MCAT: variants seen among roughly 807,000 people sequenced by gnomAD.
MCAT encodes the protein malonyl-CoA-acyl carrier protein transacylase, mitochondrial.
In MCAT, 22 loss-of-function variants were observed where a neutral mutation model predicts 22.9. The ratio of observed to expected loss-of-function variants is 0.96; its 90% CI spans 0.69 to 1.37. The LOEUF (loss-of-function observed/expected upper bound fraction) is 1.37. MCAT is among the 40% of genes most tolerant of loss of function. The pLI is 0.00. For missense variants in MCAT, 534 were observed against 533.6 expected, an observed-to-expected ratio of 1.00 and a Z score of -0.01; for synonymous variants, 240 against 233.9, an observed-to-expected ratio of 1.03 and a Z score of -0.24.
At position 43,143,008 on chromosome 22, in the gene MCAT, A is replaced by C; in HGVS notation, c.341T>G (p.Leu114Arg). Residue 114 changes from leucine (L) to arginine (R), a missense_variant, in exon 1 of 4, where the codon CTG becomes CGG. Physicochemically the swap from Leu to Arg is moderately radical, Grantham distance 102. Coordinates refer to ENST00000290429, the MANE Select transcript of MCAT (RefSeq NM_173467.5). The stretch of plus-strand genomic sequence containing the variant: ...GGGCTGACAGTGCACGGTGCGGTCC[A>C]GGGTCTCCTGCGGCCCGTGCAGGCT... ...ELSLHGPQET[L>R]DRTVHCQPAI... 6.2e-7 allele frequency: 1 copy of C among 1,608,816 alleles called. No homozygotes were observed. Among genetic ancestry groups the C allele is most frequent in the Non-Finnish European group, 8.5e-7 (1 of 1,178,304 alleles).
chr22:43,138,905 A>G (rs1433005289), intron 2 of MCAT, among the ~76,000 whole-genome samples: 5 of 152,220 alleles, frequency 3.3e-5, no homozygotes. Context: ...AAATCCTGAC[A>G]TATCTTCATT....
intron 3 of MCAT, among the ~76,000 whole-genome samples, chr22:43,135,495 C>A (rs192060852): frequency 9.8e-6 from 1 of 102,120 alleles, no homozygotes; most frequent in East Asian, 3.2e-4. Context: ...CAGAGTAAGA[C>A]ATTGTCTCAA....
rs993576515 is a variant in MCAT, at chr22:43,141,185, G to C, written c.488C>G (p.Ala163Gly). 2 of 1,613,926 alleles carry C rather than the reference G, an allele frequency of 1.2e-6. No homozygotes were observed. The highest frequency in any genetic ancestry group is 1.7e-6 in the Non-Finnish European group (2 of 1,180,006). The part of the protein sequence containing the change: ...SVGEFAALVF[A>G]GAMEFAEGLY... ...ACCTTCAGCAAATTCCATGGCTCCG[G>C]CAAACACTAGGGCTGCAAACTCTCC... Residue 163 changes from alanine to glycine, a missense_variant, in exon 2 of 4, where the codon GCC (alanine) becomes GGC (glycine). Transcript: ENST00000290429.
chr22:43,142,600 C>T (rs1225072794), intron 1 of MCAT, among the ~76,000 whole-genome samples: 1 of 151,676 alleles, frequency 6.6e-6, no homozygotes, highest in Non-Finnish European at 1.5e-5. Context: ...TCCTGACTAA[C>T]ACGATGAAAC....
rs1930814050 is a variant in MCAT at position 43,142,852 on chromosome 22, G to A, written c.423+74C>T. On this transcript the variant is annotated intron_variant, in intron 1 of 3. Coordinates refer to ENST00000290429, the MANE Select transcript of MCAT (RefSeq NM_173467.5). ...CGTGGGAGCCCCCGGAATGGCAGGCGGAAGCCTCTGGCAGGGCCAAGAGCT... is the reference window on the plus strand; with the variant it reads ...CGTGGGAGCCCCCGGAATGGCAGGCAGAAGCCTCTGGCAGGGCCAAGAGCT... 5.8e-6 allele frequency: 8 copies of A among 1,372,516 alleles called. No homozygotes were observed. In the South Asian group the frequency reaches 1.3e-4, roughly 22 times the overall value. The allele number at this position is 1,372,516 out of a possible 1,614,324, so 85.0% of individuals were successfully genotyped here.
intron 1 of MCAT, among the ~76,000 whole-genome samples, chr22:43,141,784 C>T (rs757745129): frequency 6.6e-6 from 1 of 152,162 alleles, no homozygotes; most frequent in African/African-American, 2.4e-5. Flanking sequence ...GTTGGCCAGG[C>T]TGGTTTTGAA....
chr22:43,137,002 G>T, intron 3 of MCAT, 79 bp downstream of exon 3: 1 of 1,253,054 alleles, frequency 8.0e-7, no homozygotes, highest in Non-Finnish European at 1.2e-6. Flanking sequence ...CCGCCAGACT[G>T]CTAGGCCTCA....
chr22:43,135,503 C>CAAAAAAAA (rs1270132344), intron 3 of MCAT, among the ~76,000 whole-genome samples: 2 of 33,124 alleles, frequency 6.0e-5, no homozygotes, highest in Non-Finnish European at 1.4e-4. Context: ...GACATTGTCT[C>CAAAAAAAA]AAAAAACAAA....
At chr22:43,142,423 G>C (rs1246259755) in intron 1 of MCAT, among the ~76,000 whole-genome samples, 1 of 151,492 alleles carries the variant, frequency 6.6e-6, no homozygotes, top group Non-Finnish European at 1.5e-5. Flanking sequence ...GGAGGCAGAG[G>C]TTGCAGTGAG....
intron 2 of MCAT, among the ~76,000 whole-genome samples, chr22:43,140,491 G>A (rs1331194189): frequency 6.6e-6 from 1 of 152,178 alleles, no homozygotes; most frequent in African/African-American, 2.4e-5. Context: ...TGGGACTACA[G>A]GCGCACACCA....
chr22:43,137,463 C>G (rs1256745750), intron 2 of MCAT, among the ~76,000 whole-genome samples, 165 bp from the exon 3 acceptor site: 3 of 152,226 alleles, frequency 2.0e-5, no homozygotes, highest in Non-Finnish European at 4.4e-5. Flanking sequence ...ATCGACTGCA[C>G]AAGCGCTCAC....
Position 43,133,167 on chromosome 22 carries a change from G to A in MCAT, c.1049C>T (p.Pro350Leu). 6.2e-7 allele frequency: 1 copy of A among 1,614,228 alleles called. No individual in the cohort carries two copies. Among genetic ancestry groups the A allele is most frequent in the Non-Finnish European group, 8.5e-7 (1 of 1,180,034 alleles). Residue 350 changes from proline (P) to leucine (L), a missense_variant, in exon 4 of 4, where the codon CCT becomes CTT. Physicochemically the swap from Pro to Leu is moderately conservative, Grantham distance 98. Coordinates refer to ENST00000290429, the MANE Select transcript of MCAT (RefSeq NM_173467.5). ...CAGGATGGCTCCCAGCTGCCTGCCA[G>A]GGCCTACTTCGAAAGTTTGGGGGAA... Reference protein sequence around the residue: ...RGFPQTFEVGPGRQLGAILKS... With the variant: ...RGFPQTFEVGLGRQLGAILKS...
chr22:43,135,501 C>A (rs1241465352), intron 3 of MCAT, among the ~76,000 whole-genome samples: 4 of 71,656 alleles, frequency 5.6e-5, no homozygotes, highest in Non-Finnish European at 1.0e-4. Flanking sequence ...AAGACATTGT[C>A]TCAAAAAACA....
At position 43,133,170 on chromosome 22, in the gene MCAT, C is replaced by T. The variant is rs1569470548; in HGVS notation, c.1046G>A (p.Gly349Asp). The T allele has an allele frequency of 6.2e-7, 1 of 1,614,200 alleles. No individual in the cohort carries two copies. The highest frequency in any genetic ancestry group is 8.5e-7 in the Non-Finnish European group (1 of 1,180,034). ...GATGGCTCCCAGCTGCCTGCCAGGG[C>T]CTACTTCGAAAGTTTGGGGGAACCC... is the stretch of plus-strand genomic sequence containing the variant. Reference protein sequence around the residue: ...GRGFPQTFEVGPGRQLGAILK... With the variant: ...GRGFPQTFEVDPGRQLGAILK... Residue 349 changes from glycine to aspartate, a missense_variant, in exon 4 of 4, where the codon GGC becomes GAC. Physicochemically the swap from Gly to Asp is moderately conservative, Grantham distance 94. Coordinates refer to ENST00000290429, the MANE Select transcript of MCAT (RefSeq NM_173467.5).
chr22:43,140,626 G>GCCTCCCA (rs1189642579), intron 2 of MCAT, among the ~76,000 whole-genome samples: 2 of 152,130 alleles, frequency 1.3e-5, no homozygotes, highest in East Asian at 3.8e-4. Context: ...TGGCATTACA[G>GCCTCCCA]GTGTGAATCA....
chr22:43,142,825 G>A, intron 1 of MCAT, 101 bp downstream of exon 1: 6 of 1,202,294 alleles, frequency 5.0e-6, no homozygotes, highest in Non-Finnish European at 6.6e-6. Flanking sequence ...GAATGAGTAA[G>A]ACGTGGGAGC....
chr22:43,138,766 T>C lies in MCAT; in HGVS notation c.512-1468A>G, dbSNP rs145700781. Among the ~76,000 whole-genome samples, 854 of 152,070 alleles carry C rather than the reference T, an allele frequency of 5.6e-3. 6 individuals are homozygous for C. Among genetic ancestry groups the C allele is most frequent in the South Asian group, 0.022 (106 of 4,798 alleles). On this transcript the variant is annotated intron_variant, in intron 2 of 3. Transcript: ENST00000290429. ...ATCCCTACAAAGCCACACATAAGAA[T>C]GGCCTGAAACTACCAGACCCCTGAC...
intron 3 of MCAT, among the ~76,000 whole-genome samples, chr22:43,134,092 C>A (rs1357298815): frequency 6.6e-6 from 1 of 152,202 alleles, no homozygotes; most frequent in Non-Finnish European, 1.5e-5. Context: ...TCACTCCTTT[C>A]ATAATTTTTG....
At chr22:43,135,503 CAAAAAACA>C (rs997122151) in intron 3 of MCAT, among the ~76,000 whole-genome samples, 12 of 33,132 alleles carry the variant, frequency 3.6e-4, no homozygotes, top group South Asian at 3.3e-3. Context: ...GACATTGTCT[CAAAAAACA>C]AAAAAAAAAA....
Sources: allele counts gnomAD v4.1 joint callset (sites outside exome capture counted in the v4.1 genomes callset), GRCh38; gene constraint gnomAD v4.1.1; transcripts MANE v1.5; gene names NCBI Gene and HGNC (gene_info 2026-07-23, HGNC 2026-07-21).